The following CCSER1 variants were observed in gnomAD, a reference collection of about 807,000 sequenced individuals.
The protein encoded by CCSER1 is coiled-coil serine rich protein 1, also known as serine-rich coiled-coil domain-containing protein 1.
A neutral mutation model predicts 82.0 loss-of-function variants in CCSER1; 41 were observed. That is an observed-to-expected ratio of 0.50 (90% CI 0.39 to 0.65). The LOEUF is 0.65. CCSER1 is among the 30% of genes least tolerant of loss of function. The pLI, the probability that CCSER1 is intolerant of heterozygous loss-of-function variation, is 0.00. For synonymous variants in CCSER1, 414 were observed against 383.9 expected (o/e 1.08, Z -0.92); for missense variants, 1,119 against 1,064.2 (o/e 1.05, Z -0.72).
At chr4:91,139,264 A>G (rs556170237) in intron 10 of CCSER1, among the ~76,000 whole-genome samples, 1 of 148,834 alleles carries the variant, frequency 6.7e-6, no homozygotes, top group Admixed American at 6.7e-5. Context: ...TATGTACCAC[A>G]TTTTTTTTTT....
At chr4:91,434,325 C>T (rs558739773) in intron 10 of CCSER1, among the ~76,000 whole-genome samples, 5 of 151,800 alleles carry the variant, frequency 3.3e-5, no homozygotes, top group South Asian at 4.2e-4. Context: ...GGAAAAACGG[C>T]GTAGCAACTC....
chr4:90,957,812 A>C (rs2150368465), intron 9 of CCSER1, among the ~76,000 whole-genome samples: 1 of 151,032 alleles, frequency 6.6e-6, no homozygotes, highest in African/African-American at 2.4e-5. Context: ...GTCTTGTTAA[A>C]TATTTAGGCA....
chr4:90,864,679 A>G (rs1025471640), intron 8 of CCSER1, among the ~76,000 whole-genome samples: 1 of 152,020 alleles, frequency 6.6e-6, no homozygotes, highest in African/African-American at 2.4e-5. Flanking sequence ...TCTCAGTGAA[A>G]AATAGATCTA....
chr4:90,388,977 T>A (rs911115576), intron 3 of CCSER1, among the ~76,000 whole-genome samples: 11 of 152,216 alleles, frequency 7.2e-5, no homozygotes, highest in Non-Finnish European at 1.6e-4. Context: ...GATGTTTATC[T>A]CATAGTATTG....
intron 1 of CCSER1, among the ~76,000 whole-genome samples, chr4:90,298,547 G>A (rs1732462176): frequency 6.6e-6 from 1 of 151,842 alleles, no homozygotes; most frequent in African/African-American, 2.4e-5. Flanking sequence ...TTTTGAATGT[G>A]TTTGCTCTTG....
At chr4:90,537,434 T>C (rs975032138) in intron 5 of CCSER1, among the ~76,000 whole-genome samples, 7 of 152,136 alleles carry the variant, frequency 4.6e-5, no homozygotes, top group Admixed American at 1.3e-4. Context: ...ATTTCAGTGA[T>C]AATTTTGTTT....
intron 10 of CCSER1, among the ~76,000 whole-genome samples, chr4:91,408,381 G>A (rs1213513681): frequency 6.6e-6 from 1 of 152,142 alleles, no homozygotes; most frequent in East Asian, 1.9e-4. Flanking sequence ...TTTATCTCAT[G>A]ATGCAAGATT....
At chr4:91,343,151 T>G (rs1022533615) in intron 10 of CCSER1, among the ~76,000 whole-genome samples, 1 of 152,086 alleles carries the variant, frequency 6.6e-6, no homozygotes, top group Admixed American at 6.5e-5. Flanking sequence ...TAATAAAGAT[T>G]AACAGTTTTT....
chr4:90,436,900 G>A (rs562238843), intron 4 of CCSER1, among the ~76,000 whole-genome samples: 3 of 151,340 alleles, frequency 2.0e-5, no homozygotes, highest in Admixed American at 6.6e-5. Context: ...TCTTCCTCCC[G>A]GGTTCACGCC....
chr4:90,191,527 A>T (rs1049535660), intron 1 of CCSER1, among the ~76,000 whole-genome samples: 17 of 152,000 alleles, frequency 1.1e-4, no homozygotes, highest in Non-Finnish European at 2.4e-4. Context: ...TGTGGGTGAG[A>T]TGCAGTAAAG....
At chr4:90,905,943 C>A (rs1725408817) in intron 8 of CCSER1, among the ~76,000 whole-genome samples, 1 of 151,976 alleles carries the variant, frequency 6.6e-6, no homozygotes, top group African/African-American at 2.4e-5. Context: ...TATTTTAGTT[C>A]TAATTACACA....
intron 10 of CCSER1, among the ~76,000 whole-genome samples, chr4:91,375,794 C>G (rs893928790): frequency 1.3e-5 from 2 of 152,000 alleles, no homozygotes; most frequent in African/African-American, 4.8e-5. Context: ...TGACTTAATA[C>G]TGGTACAAAA....
chr4:90,422,964 A>G (rs1265777595), intron 4 of CCSER1, among the ~76,000 whole-genome samples: 5 of 152,190 alleles, frequency 3.3e-5, no homozygotes, highest in Non-Finnish European at 5.9e-5. Context: ...ATATTCGATA[A>G]TGATGACTTG....
chr4:91,477,696 C>T (rs774567564), intron 10 of CCSER1, among the ~76,000 whole-genome samples: 2 of 151,600 alleles, frequency 1.3e-5, no homozygotes, highest in Non-Finnish European at 3.0e-5. Flanking sequence ...ATAATAACTT[C>T]CAAAGTGTAC....
At chr4:90,297,016 C>T (rs1303641312) in intron 1 of CCSER1, among the ~76,000 whole-genome samples, 1 of 152,044 alleles carries the variant, frequency 6.6e-6, no homozygotes, top group Admixed American at 6.6e-5. Context: ...GTAGTTTTTT[C>T]CAATTCTGTG....
At chr4:90,964,649 C>G (rs1014154166) in intron 9 of CCSER1, among the ~76,000 whole-genome samples, 1 of 134,830 alleles carries the variant, frequency 7.4e-6, no homozygotes, top group Non-Finnish European at 1.5e-5. Context: ...GGCATGAACC[C>G]GGGAGGCAGA....
intron 9 of CCSER1, among the ~76,000 whole-genome samples, chr4:91,084,210 G>A (rs191428042): frequency 1.3e-5 from 2 of 152,104 alleles, no homozygotes; most frequent in African/African-American, 4.8e-5. Flanking sequence ...GAGATTACAG[G>A]CATGAGCCAC....
chr4:90,429,590 T>C (rs1336839684), intron 4 of CCSER1, among the ~76,000 whole-genome samples: 1 of 151,832 alleles, frequency 6.6e-6, no homozygotes, highest in Non-Finnish European at 1.5e-5. Context: ...AAAAATATTG[T>C]CAGAAAACTG....
At chr4:91,002,516 A>G (rs1318217076) in intron 9 of CCSER1, among the ~76,000 whole-genome samples, 1 of 152,026 alleles carries the variant, frequency 6.6e-6, no homozygotes, top group Non-Finnish European at 1.5e-5. Flanking sequence ...GAAGTTCTTT[A>G]TTCTGCTTGC....
Sources: allele counts gnomAD v4.1 joint callset (sites outside exome capture counted in the v4.1 genomes callset), GRCh38; gene constraint gnomAD v4.1.1; transcripts MANE v1.5; gene names NCBI Gene and HGNC (gene_info 2026-07-23, HGNC 2026-07-21).